The following TMEM30A variants were observed in gnomAD, a reference collection of about 807,000 sequenced individuals.
The protein encoded by TMEM30A is cell cycle control protein 50A.
Under a neutral mutation model 38.2 loss-of-function variants are expected in TMEM30A, and 24 were observed. The ratio of observed to expected loss-of-function variants is 0.63; its 90% CI spans 0.46 to 0.88. The LOEUF is 0.88. TMEM30A is among the 40% of genes least tolerant of loss of function. The probability of loss-of-function intolerance (pLI) is 0.00; values close to 1 mark genes in which losing one functional copy is unlikely to be tolerated. For missense variants in TMEM30A, 370 were observed against 458.6 expected (o/e 0.81, Z 1.77); for synonymous variants, 145 against 161.6 (o/e 0.90, Z 0.78).
In TMEM30A at chr6:75,253,002, T is replaced by C. The variant is rs141968346; in HGVS notation, c.*3100A>G. 2 of 152,068 alleles carry C rather than the reference T, an allele frequency of 1.3e-5. No homozygotes were observed. Among genetic ancestry groups the C allele is most frequent in the African/African-American group, 2.4e-5 (1 of 41,408 alleles). 9.4% of individuals were successfully genotyped at this position (152,068 alleles called of 1,614,324 possible). A position where few individuals can be genotyped will look rare whatever the true frequency, so the allele number is the denominator to read the frequency against. ...TGTGATTTTTATGTTTACTGAATGG[T>C]GCATGGGATAAAAAGGGGTTCTAAA... On this transcript the variant is annotated 3_prime_UTR_variant, in exon 7 of 7. Transcript: ENST00000230461.
intron 1 of TMEM30A, among the ~76,000 whole-genome samples, chr6:75,270,948 C>T (rs1262888226): frequency 1.3e-5 from 2 of 152,176 alleles, no homozygotes; most frequent in East Asian, 3.8e-4. Flanking sequence ...GAGGCAAAGC[C>T]TATGTAATCT....
chr6:75,268,879 C>G (rs541044652), intron 1 of TMEM30A, among the ~76,000 whole-genome samples: 1 of 152,294 alleles, frequency 6.6e-6, no homozygotes, highest in African/African-American at 2.4e-5. Flanking sequence ...CCTGTGGAGT[C>G]TGACACTATT....
At chr6:75,261,013 T>C in intron 3 of TMEM30A, 102 bp from the exon 4 acceptor site, 4 of 714,170 alleles carry the variant, frequency 5.6e-6, no homozygotes, top group Admixed American at 3.1e-5. Context: ...CACCTATATT[T>C]TTCTCACTTA....
At chr6:75,276,623 T>C (rs1290394962) in intron 1 of TMEM30A, among the ~76,000 whole-genome samples, 1 of 152,232 alleles carries the variant, frequency 6.6e-6, no homozygotes, top group Non-Finnish European at 1.5e-5. Context: ...GGCTTTTTCC[T>C]GTCAGAAATA....
intron 4 of TMEM30A, 116 bp downstream of exon 4, chr6:75,260,708 A>G (rs1036869389): frequency 7.4e-6 from 4 of 537,748 alleles, no homozygotes; most frequent in African/African-American, 2.0e-5. Context: ...TACTCGATTT[A>G]GTCTTAAATG....
At position 75,284,720 on chromosome 6, in the gene TMEM30A, GCGC is replaced by G. The variant is rs921446092; in HGVS notation, c.-85_-83del. ...GCTGACCCTGACAGGAACCGCTCGAGCGCCGCTGCCGCCGCCGCCGCCGCAGCC... is the reference window on the plus strand; with the variant it reads ...GCTGACCCTGACAGGAACCGCTCGAGCGCTGCCGCCGCCGCCGCCGCAGCC... On this transcript the variant is annotated 5_prime_UTR_variant, in exon 1 of 7. Transcript: ENST00000230461. The G allele has an allele frequency of 4.1e-6, 6 of 1,453,712 alleles. No homozygotes were observed. The highest frequency in any genetic ancestry group is 5.7e-6 in the Non-Finnish European group (6 of 1,050,172). The allele number at this position is 1,453,712 out of a possible 1,614,324, so 90.1% of individuals were successfully genotyped here.
intron 1 of TMEM30A, among the ~76,000 whole-genome samples, chr6:75,276,750 A>G (rs1435281365): frequency 1.3e-5 from 2 of 152,174 alleles, no homozygotes; most frequent in East Asian, 3.8e-4. Flanking sequence ...ATAGCTTCTC[A>G]CTAAACTGAG....
chr6:75,270,873 A>G (rs966534614), intron 1 of TMEM30A, among the ~76,000 whole-genome samples: 1 of 152,242 alleles, frequency 6.6e-6, no homozygotes, highest in African/African-American at 2.4e-5. Context: ...CTTTCACTGC[A>G]TAATTAAAGA....
chr6:75,283,865 C>A (rs180769909), intron 1 of TMEM30A, among the ~76,000 whole-genome samples: 2 of 152,192 alleles, frequency 1.3e-5, no homozygotes, highest in Admixed American at 6.5e-5. Context: ...TGATAACATG[C>A]GACAGCTTCT....
chr6:75,262,639 C>T lies in TMEM30A; in HGVS notation c.454-1728G>A, dbSNP rs1204417958. Among the ~76,000 whole-genome samples, 23 of 58,850 alleles carry T rather than the reference C, an allele frequency of 3.9e-4. 1 individual carries two copies. The highest frequency in any genetic ancestry group is 3.0e-4 in the Non-Finnish European group (6 of 20,070). 38.6% of individuals were successfully genotyped at this position (58,850 alleles called of 152,430 possible). ...CCTGGGCGACAGAGTGGTGAGACTC[C>T]GTCTCAAAAAAAAAAACAACAAACA... On this transcript the variant is annotated intron_variant, in intron 3 of 6. Coordinates refer to ENST00000230461, the MANE Select transcript of TMEM30A (RefSeq NM_018247.4).
chr6:75,258,782 T>C lies in TMEM30A; in HGVS notation c.890A>G (p.Tyr297Cys). 1.9e-6 allele frequency: 3 copies of C among 1,613,628 alleles called. No homozygotes were observed. The highest frequency in any genetic ancestry group is 2.5e-6 in the Non-Finnish European group (3 of 1,179,656). The part of the protein sequence containing the change: ...PAGRYSLNVT[Y>C]NYPVHYFDGR... ...TATACCCAGCCAAAAAAGGATACTGTATGTGACATTCAAAGAGTATCGGCC... is the reference window on the plus strand; with the variant it reads ...TATACCCAGCCAAAAAAGGATACTGCATGTGACATTCAAAGAGTATCGGCC... The change falls in exon 6 of 7, where the codon TAC (tyrosine) becomes TGC (cysteine). Residue 297 changes from tyrosine (Y) to cysteine (C), a missense_variant and splice_region_variant. Tyr to Cys is a radical substitution (Grantham distance 194). Coordinates refer to ENST00000230461, the MANE Select transcript of TMEM30A (RefSeq NM_018247.4).
chr6:75,256,900 A>G, intron 6 of TMEM30A: 1 of 373,238 alleles, frequency 2.7e-6, no homozygotes, highest in Non-Finnish European at 5.3e-6. Context: ...ACAGGGCACC[A>G]GTGTACTAGA....
At position 75,255,568 on chromosome 6, in the gene TMEM30A, G is replaced by T. The variant is rs1206125722; in HGVS notation, c.*534C>A. On this transcript the variant is annotated 3_prime_UTR_variant, in exon 7 of 7. Coordinates refer to ENST00000230461, the MANE Select transcript of TMEM30A (RefSeq NM_018247.4). ...ACAAATAACTGTACTGGATAAACTG[G>T]ATACATGAACCACCTCAACAAAGAT... The T allele has an allele frequency of 6.6e-6, 1 of 152,598 alleles. No individual in the cohort carries two copies. The highest frequency in any genetic ancestry group is 1.5e-5 in the Non-Finnish European group (1 of 68,088). 9.5% of individuals were successfully genotyped at this position (152,598 alleles called of 1,614,324 possible).
At chr6:75,271,271 T>A (rs1352144024) in intron 1 of TMEM30A, among the ~76,000 whole-genome samples, 1 of 152,096 alleles carries the variant, frequency 6.6e-6, no homozygotes, top group Non-Finnish European at 1.5e-5. Flanking sequence ...TGAACAAAAA[T>A]AATCTGATGG....
chr6:75,260,772 AT>A, intron 4 of TMEM30A, 51 bp downstream of exon 4: 1 of 1,158,694 alleles, frequency 8.6e-7, no homozygotes, highest in Non-Finnish European at 1.2e-6. Flanking sequence ...CTGTAATGAA[AT>A]TATGCAAATT....
At chr6:75,264,124 C>T (rs551939149) in intron 3 of TMEM30A, among the ~76,000 whole-genome samples, 2 of 152,336 alleles carry the variant, frequency 1.3e-5, no homozygotes, top group African/African-American at 4.8e-5. Flanking sequence ...ACCAAGGAAT[C>T]TTTAAGTAGA....
intron 1 of TMEM30A, among the ~76,000 whole-genome samples, chr6:75,282,995 C>T (rs1000617405): frequency 2.0e-5 from 3 of 152,080 alleles, no homozygotes; most frequent in South Asian, 2.1e-4. Context: ...ACAAGTACTA[C>T]ATTTGCAGGA....
intron 1 of TMEM30A, 45 bp from the exon 2 acceptor site, chr6:75,267,793 A>G (rs1314347870): frequency 2.2e-6 from 3 of 1,368,676 alleles, no homozygotes; most frequent in East Asian, 4.7e-5. Flanking sequence ...GAGAAAGTGG[A>G]TACCTAAAAC....
intron 3 of TMEM30A, among the ~76,000 whole-genome samples, chr6:75,262,124 A>C (rs1363952282): frequency 6.6e-6 from 1 of 152,116 alleles, no homozygotes; most frequent in Non-Finnish European, 1.5e-5. Flanking sequence ...AGGTGGGAGG[A>C]TCCCTTGAGT....
Sources: allele counts gnomAD v4.1 joint callset (sites outside exome capture counted in the v4.1 genomes callset), GRCh38; gene constraint gnomAD v4.1.1; transcripts MANE v1.5; gene names NCBI Gene and HGNC (gene_info 2026-07-23, HGNC 2026-07-21).